NEGR1: variants seen among roughly 807,000 people sequenced by gnomAD.
The protein encoded by NEGR1 is IgLON family member 4.
A neutral mutation model predicts 40.9 loss-of-function variants in NEGR1; 10 were observed. The observed-to-expected ratio is 0.24, with a 90% confidence interval of 0.15 to 0.42. The LOEUF (loss-of-function observed/expected upper bound fraction) is 0.42, where lower values mean the gene tolerates loss of function less well. NEGR1 is among the 10% of genes least tolerant of loss of function. The pLI is 1.00. For missense variants in NEGR1, 352 were observed against 438.9 expected (o/e 0.80, Z 1.77); for synonymous variants, 185 against 166.8 (o/e 1.11, Z -0.84).
At chr1:71,913,721 T>C (rs908753619) in intron 2 of NEGR1, among the ~76,000 whole-genome samples, 56 of 152,256 alleles carry the variant, frequency 3.7e-4, no homozygotes, top group African/African-American at 1.3e-3. Flanking sequence ...TAATCTTTTA[T>C]AACAAAAGAA....
Position 71,597,458 on chromosome 1 carries a change from CTCTCTCTCTCTCTCTGTG to C in NEGR1, c.789-4508_789-4491del, listed in dbSNP as rs1261604453. 6.1e-5 allele frequency among the ~76,000 whole-genome samples: 4 copies of C among 65,496 alleles called. 1 individual carries two copies. Among genetic ancestry groups the C allele is most frequent in the African/African-American group, 1.2e-4 (2 of 17,274 alleles). 43.0% of individuals were successfully genotyped at this position (65,496 alleles called of 152,430 possible). A position where few individuals can be genotyped will look rare whatever the true frequency, so the allele number is the denominator to read the frequency against. On this transcript the variant is annotated intron_variant, in intron 5 of 6. Coordinates refer to ENST00000357731, the MANE Select transcript of NEGR1 (RefSeq NM_173808.3). Reference sequence around the variant, plus strand: ...TCTCTCTCTCTCTCTCTCTCTCTCTCTCTCTCTCTCTCTCTGTGTGTGTGTGTGTGTGTGTGTGTGTGT... The same window carrying C: ...TCTCTCTCTCTCTCTCTCTCTCTCTCTGTGTGTGTGTGTGTGTGTGTGTGT...
At chr1:72,094,168 CA>C (rs1466465957) in intron 1 of NEGR1, among the ~76,000 whole-genome samples, 2 of 151,888 alleles carry the variant, frequency 1.3e-5, no homozygotes, top group Non-Finnish European at 2.9e-5. Flanking sequence ...TAGGGGAAAC[CA>C]ACTTAAAAAA....
chr1:72,182,738 T>C (rs1412453379), intron 1 of NEGR1, among the ~76,000 whole-genome samples: 4 of 151,360 alleles, frequency 2.6e-5, no homozygotes, highest in Admixed American at 1.3e-4. Flanking sequence ...AATTTTATAA[T>C]TGTATTGACT....
At chr1:72,039,413 T>C (rs1442305759) in intron 1 of NEGR1, among the ~76,000 whole-genome samples, 2 of 151,918 alleles carry the variant, frequency 1.3e-5, no homozygotes. Flanking sequence ...ACCCTGCTAG[T>C]AACAATAGAC....
At chr1:71,961,720 C>G (rs1410510883) in intron 1 of NEGR1, among the ~76,000 whole-genome samples, 2 of 152,018 alleles carry the variant, frequency 1.3e-5, no homozygotes, top group Admixed American at 1.3e-4. Flanking sequence ...ATTTCTCAAT[C>G]TTTCATCTTA....
intron 1 of NEGR1, among the ~76,000 whole-genome samples, chr1:71,993,423 A>G (rs1295155102): frequency 6.6e-6 from 1 of 152,210 alleles, no homozygotes; most frequent in African/African-American, 2.4e-5. Context: ...GTCTCTCTCT[A>G]TGCATAACTA....
chr1:71,664,310 T>C (rs910504254), intron 4 of NEGR1, among the ~76,000 whole-genome samples: 2 of 152,210 alleles, frequency 1.3e-5, no homozygotes, highest in African/African-American at 4.8e-5. Flanking sequence ...TTTCATTAAT[T>C]ACTGCAATGT....
At chr1:71,720,045 T>A (rs1025208230) in intron 3 of NEGR1, among the ~76,000 whole-genome samples, 3 of 152,174 alleles carry the variant, frequency 2.0e-5, no homozygotes, top group African/African-American at 7.2e-5. Context: ...GAATACAATC[T>A]TATTTTCTGT....
chr1:71,867,415 C>T (rs1235088141), intron 2 of NEGR1, among the ~76,000 whole-genome samples: 1 of 152,064 alleles, frequency 6.6e-6, no homozygotes, highest in East Asian at 1.9e-4. Context: ...GAATGGATAG[C>T]ATTAATCAAA....
At chr1:72,050,787 T>C (rs1281432563) in intron 1 of NEGR1, among the ~76,000 whole-genome samples, 6 of 151,494 alleles carry the variant, frequency 4.0e-5, no homozygotes, top group African/African-American at 1.2e-4. Context: ...CATAAAGACA[T>C]TGAGGCTCCT....
intron 1 of NEGR1, among the ~76,000 whole-genome samples, chr1:71,983,530 A>AT (rs1164001001): frequency 6.6e-6 from 1 of 152,178 alleles, no homozygotes; most frequent in Non-Finnish European, 1.5e-5. Context: ...TCATCCAAAA[A>AT]TTTTTGCATA....
chr1:71,633,220 C>T lies in NEGR1; in HGVS notation c.668-22074G>A, dbSNP rs547743276. ...ACTTATGAGCTACACACATTCATAA[C>T]CAGTTTGTATGTTTTCTACACCTAC... On this transcript the variant is annotated intron_variant, in intron 4 of 6. Transcript: ENST00000357731. Among the ~76,000 whole-genome samples, 5 of 152,180 alleles carry T rather than the reference C, an allele frequency of 3.3e-5. No individual in the cohort carries two copies. In the South Asian group the frequency reaches 1.0e-3, roughly 32 times the overall value.
At chr1:71,615,053 A>C (rs1353881013) in intron 4 of NEGR1, among the ~76,000 whole-genome samples, 1 of 152,216 alleles carries the variant, frequency 6.6e-6, no homozygotes, top group Non-Finnish European at 1.5e-5. Context: ...AGTGTTGTGA[A>C]GTAATCAATG....
At chr1:71,461,897 C>T (rs1192024305) in intron 6 of NEGR1, 2 of 152,122 alleles carry the variant, frequency 1.3e-5, no homozygotes, top group African/African-American at 4.8e-5. Flanking sequence ...TCACAGGCCC[C>T]TTAGTCCATG....
chr1:71,979,445 T>C (rs1334425485), intron 1 of NEGR1, among the ~76,000 whole-genome samples: 1 of 152,126 alleles, frequency 6.6e-6, no homozygotes, highest in Non-Finnish European at 1.5e-5. Flanking sequence ...CTTCCATCTG[T>C]GAAAAAATTC....
intron 2 of NEGR1, among the ~76,000 whole-genome samples, chr1:71,818,628 T>C (rs894664761): frequency 1.3e-5 from 2 of 152,014 alleles, no homozygotes; most frequent in African/African-American, 4.8e-5. Context: ...ACCAAACTTC[T>C]GTGAAGTGCA....
intron 2 of NEGR1, among the ~76,000 whole-genome samples, chr1:71,845,840 G>T (rs1204841271): frequency 1.3e-5 from 2 of 151,236 alleles, no homozygotes; most frequent in South Asian, 2.1e-4. Context: ...GCTCACTGCA[G>T]CCTCAAACTC....
At chr1:72,069,582 TACACAC>T (rs1244339966) in intron 1 of NEGR1, among the ~76,000 whole-genome samples, 1 of 152,080 alleles carries the variant, frequency 6.6e-6, no homozygotes, top group Non-Finnish European at 1.5e-5. Context: ...ATCTCTCTCT[TACACAC>T]ACACATGCAC....
chr1:71,827,721 TG>T (rs1658685765), intron 2 of NEGR1, among the ~76,000 whole-genome samples: 1 of 151,916 alleles, frequency 6.6e-6, no homozygotes, highest in African/African-American at 2.4e-5. Context: ...TTTGCTTTTT[TG>T]TTTTTTCTAA....
Sources: gnomAD v4.1 joint callset for allele counts (sites outside exome capture counted in the v4.1 genomes callset) on GRCh38, gnomAD v4.1.1 for gene constraint, MANE v1.5 for transcripts, NCBI Gene and HGNC (gene_info 2026-07-23, HGNC 2026-07-21) for gene names.